GALNTL6: variants seen among roughly 807,000 people sequenced by gnomAD.
The protein encoded by GALNTL6 is polypeptide N-acetylgalactosaminyltransferase like 6, also known as polypeptide N-acetylgalactosaminyltransferase-like 6.
In GALNTL6, 46 loss-of-function variants were observed where a neutral mutation model predicts 73.7. The ratio of observed to expected loss-of-function variants is 0.62; its 90% CI spans 0.49 to 0.80. The LOEUF (loss-of-function observed/expected upper bound fraction) is 0.80. GALNTL6 is among the 30% of genes least tolerant of loss of function. The pLI is 0.00. For missense variants in GALNTL6, 604 were observed against 755.0 expected, an observed-to-expected ratio of 0.80 and a Z score of 2.34; for synonymous variants, 259 against 263.7, an observed-to-expected ratio of 0.98 and a Z score of 0.17.
At chr4:172,649,053 G>T (rs1049174863) in intron 5 of GALNTL6, among the ~76,000 whole-genome samples, 4 of 151,956 alleles carry the variant, frequency 2.6e-5, no homozygotes, top group African/African-American at 9.7e-5. Flanking sequence ...GCCCATTTTT[G>T]AGGCATCCAA....
chr4:172,429,223 A>ATTTTATTTTATTTTATTTTAT (rs1561079066), intron 5 of GALNTL6, among the ~76,000 whole-genome samples: 2 of 147,156 alleles, frequency 1.4e-5, no homozygotes, highest in Admixed American at 6.8e-5. Flanking sequence ...ATTTTATTTT[A>ATTTTATTTTATTTTATTTTAT]TTTTTTGAGA....
chr4:172,793,839 G>A (rs1740122531), intron 5 of GALNTL6, among the ~76,000 whole-genome samples: 1 of 152,126 alleles, frequency 6.6e-6, no homozygotes, highest in African/African-American at 2.4e-5. Flanking sequence ...GCTTGCACAG[G>A]CAACAATGAT....
At chr4:171,983,122 C>T (rs548774415) in intron 2 of GALNTL6, among the ~76,000 whole-genome samples, 270 of 152,210 alleles carry the variant, frequency 1.8e-3, no homozygotes, top group Non-Finnish European at 3.1e-3. Context: ...TACATCCTCC[C>T]CCTTGTCTAA....
At chr4:173,038,012 G>GA (rs1753763549) in intron 12 of GALNTL6, among the ~76,000 whole-genome samples, 1 of 152,174 alleles carries the variant, frequency 6.6e-6, no homozygotes, top group Non-Finnish European at 1.5e-5. Context: ...CAAAGTGCTG[G>GA]AATCACAGGC....
chr4:171,835,731 G>C (rs569705308), intron 2 of GALNTL6, among the ~76,000 whole-genome samples: 2 of 151,910 alleles, frequency 1.3e-5, no homozygotes, highest in Admixed American at 1.3e-4. Context: ...ATTGTTACAA[G>C]TATATGTCTA....
chr4:172,231,634 TTC>T (rs1424338305), intron 3 of GALNTL6, among the ~76,000 whole-genome samples: 2 of 152,148 alleles, frequency 1.3e-5, no homozygotes, highest in Admixed American at 1.3e-4. Context: ...GCAAATCAAT[TTC>T]TGTTTCTGAT....
intron 5 of GALNTL6, among the ~76,000 whole-genome samples, chr4:172,741,275 A>T (rs948290844): frequency 4.6e-5 from 7 of 152,098 alleles, no homozygotes; most frequent in African/African-American, 1.7e-4. Flanking sequence ...CTCTGAAGGG[A>T]TATTATGAAG....
intron 2 of GALNTL6, among the ~76,000 whole-genome samples, chr4:171,904,834 A>G (rs1737222814): frequency 6.6e-6 from 1 of 152,204 alleles, no homozygotes; most frequent in Non-Finnish European, 1.5e-5. Flanking sequence ...AGTGGGGGCC[A>G]ATATTCAACA....
chr4:172,362,690 A>C (rs1742413748), intron 5 of GALNTL6, among the ~76,000 whole-genome samples: 1 of 152,164 alleles, frequency 6.6e-6, no homozygotes, highest in Non-Finnish European at 1.5e-5. Context: ...TAGAAGGCAC[A>C]CTGATACTTC....
chr4:172,491,044 A>G (rs1430310223), intron 5 of GALNTL6, among the ~76,000 whole-genome samples: 1 of 152,116 alleles, frequency 6.6e-6, no homozygotes, highest in African/African-American at 2.4e-5. Flanking sequence ...AAGACAAAAA[A>G]AAAACTGCCT....
intron 5 of GALNTL6, among the ~76,000 whole-genome samples, chr4:172,745,489 A>G (rs1470766968): frequency 6.6e-6 from 1 of 150,778 alleles, no homozygotes; most frequent in East Asian, 1.9e-4. Context: ...ATAAAATTGT[A>G]GAGGCAAAAA....
At chr4:172,976,095 G>T (rs1386103546) in intron 10 of GALNTL6, among the ~76,000 whole-genome samples, 2 of 152,094 alleles carry the variant, frequency 1.3e-5, no homozygotes, top group South Asian at 4.1e-4. Context: ...CACCTCCCCC[G>T]CTGTAGCTAG....
chr4:172,071,118 T>TAA (rs1238072502), intron 2 of GALNTL6, among the ~76,000 whole-genome samples: 2 of 106,252 alleles, frequency 1.9e-5, no homozygotes, highest in African/African-American at 7.1e-5. Flanking sequence ...TGTACTATAG[T>TAA]AAAAAAAAAG....
intron 4 of GALNTL6, among the ~76,000 whole-genome samples, chr4:172,344,857 TG>T (rs1314554287): frequency 6.6e-6 from 1 of 152,176 alleles, no homozygotes; most frequent in Non-Finnish European, 1.5e-5. Flanking sequence ...GAGACTGAAA[TG>T]TATTCATCTT....
chr4:172,661,860 T>C (rs181442499), intron 5 of GALNTL6, among the ~76,000 whole-genome samples: 4 of 152,154 alleles, frequency 2.6e-5, no homozygotes, highest in African/African-American at 9.6e-5. Context: ...CAATGGTGAG[T>C]GGGTGAATGA....
chr4:172,596,463 A>G (rs1005463290), intron 5 of GALNTL6, among the ~76,000 whole-genome samples: 25 of 142,414 alleles, frequency 1.8e-4, no homozygotes, highest in African/African-American at 5.7e-4. Flanking sequence ...AAAAAAAGAA[A>G]AAAAAAAAAG....
At chr4:172,736,246 T>A (rs1195845945) in intron 5 of GALNTL6, among the ~76,000 whole-genome samples, 1 of 152,188 alleles carries the variant, frequency 6.6e-6, no homozygotes, top group African/African-American at 2.4e-5. Flanking sequence ...ATCCCTTATC[T>A]ACAACTGCAT....
At chr4:171,951,648 T>C (rs905447103) in intron 2 of GALNTL6, among the ~76,000 whole-genome samples, 6 of 152,068 alleles carry the variant, frequency 3.9e-5, no homozygotes, top group Non-Finnish European at 7.4e-5. Context: ...TGGATACTAA[T>C]TTCAAAATGT....
intron 2 of GALNTL6, among the ~76,000 whole-genome samples, chr4:171,871,428 G>C (rs115622494): frequency 0.019 from 2,856 of 152,100 alleles, 84 homozygotes; most frequent in African/African-American, 0.065. Flanking sequence ...CTGTGGATAA[G>C]GGGGGACTGT....
Sources: gnomAD v4.1 joint callset for allele counts (sites outside exome capture counted in the v4.1 genomes callset) on GRCh38, gnomAD v4.1.1 for gene constraint, MANE v1.5 for transcripts, NCBI Gene and HGNC (gene_info 2026-07-23, HGNC 2026-07-21) for gene names.